Variants in TUSC3 observed in about 807,000 individuals in gnomAD.
The protein encoded by TUSC3 is tumor suppressor candidate 3, also known as dolichyl-diphosphooligosaccharide--protein glycosyltransferase subunit TUSC3.
In TUSC3, 45 loss-of-function variants were observed where a neutral mutation model predicts 44.8. That is an observed-to-expected ratio of 1.00 (90% CI 0.79 to 1.29). The LOEUF (loss-of-function observed/expected upper bound fraction) is 1.29. Ranked by LOEUF, TUSC3 falls within the 50% of genes most tolerant of loss-of-function variation. The pLI, the probability that TUSC3 is intolerant of heterozygous loss-of-function variation, is 0.00. For synonymous variants in TUSC3, 212 were observed against 152.9 expected (o/e 1.39, Z -2.85); for missense variants, 519 against 437.9 (o/e 1.19, Z -1.65).
At chr8:15,841,362 C>G in the TUSC3 span, among the ~76,000 whole-genome samples, 1 of 151,664 alleles carries the variant, frequency 6.6e-6, no homozygotes, top group Non-Finnish European at 1.5e-5. Context: ...TAGCTAAGGT[C>G]AAGTCCTCCT....
chr8:15,689,471 G>C (rs1230884002), intron 6 of TUSC3: 3 of 172,262 alleles, frequency 1.7e-5, no homozygotes, highest in Non-Finnish European at 2.5e-5. Flanking sequence ...CCGCAGCTGG[G>C]TCTTCTTCAC....
chr8:15,711,280 A>G (rs1585255569), intron 6 of TUSC3, among the ~76,000 whole-genome samples: 1 of 151,920 alleles, frequency 6.6e-6, no homozygotes, highest in South Asian at 2.1e-4. Context: ...CTTTTGTAGG[A>G]TTCCTAGAAT....
At position 15,457,125 on chromosome 8, in the gene TUSC3, C is replaced by G. The variant is rs1396515373; in HGVS notation, n.92-26261C>G. Among the ~76,000 whole-genome samples the G allele has an allele frequency of 5.2e-5, 7 of 134,394 alleles. No individual in the cohort carries two copies. In the East Asian group the frequency reaches 1.5e-3, roughly 29 times the overall value. 88.2% of individuals were successfully genotyped at this position (134,394 alleles called of 152,430 possible). ...AGGTGGGAATTGAACAATGAGAACA[C>G]ATGGACACAGGAAGGGGAAGATCAC... is the stretch of plus-strand genomic sequence containing the variant. On this transcript the variant is annotated intron_variant and non_coding_transcript_variant, in intron 1 of 5. Transcript: ENST00000503191.
intron 2 of TUSC3, among the ~76,000 whole-genome samples, chr8:15,494,050 C>A (rs1393920164): frequency 6.6e-6 from 1 of 152,182 alleles, no homozygotes; most frequent in Non-Finnish European, 1.5e-5. Flanking sequence ...TGCTTGAGAT[C>A]TTTGTTCAAA....
chr8:15,481,580 G>A (rs1001666525), intron 1 of TUSC3, among the ~76,000 whole-genome samples: 6 of 151,994 alleles, frequency 3.9e-5, no homozygotes, highest in Non-Finnish European at 8.8e-5. Flanking sequence ...CCAGACCACC[G>A]CAATAAAGCA....
intron 6 of TUSC3, among the ~76,000 whole-genome samples, chr8:15,715,964 C>A (rs997454102): frequency 6.6e-6 from 1 of 151,866 alleles, no homozygotes. Context: ...CTTACATATT[C>A]TAATGGAAGG....
chr8:15,538,430 C>T (rs1318189162), upstream of TUSC3, among the ~76,000 whole-genome samples: 1 of 152,052 alleles, frequency 6.6e-6, no homozygotes, highest in Non-Finnish European at 1.5e-5. Flanking sequence ...GCTTGCGATA[C>T]AGAAAAGTGA....
At chr8:15,687,786 T>C (rs1039420352) in intron 6 of TUSC3, among the ~76,000 whole-genome samples, 5 of 152,214 alleles carry the variant, frequency 3.3e-5, no homozygotes, top group African/African-American at 1.2e-4. Flanking sequence ...GATAAATAAA[T>C]CTTTCTTTGC....
At chr8:15,666,611 G>A (rs910189215) in intron 5 of TUSC3, among the ~76,000 whole-genome samples, 1 of 151,298 alleles carries the variant, frequency 6.6e-6, no homozygotes, top group Admixed American at 6.6e-5. Context: ...TCAAATGGGG[G>A]TAGAAAAGGG....
chr8:15,473,074 C>G (rs577736200), intron 1 of TUSC3, among the ~76,000 whole-genome samples: 1 of 152,252 alleles, frequency 6.6e-6, no homozygotes, highest in South Asian at 2.1e-4. Flanking sequence ...GAAAATATCT[C>G]AACTTGGGCC....
intron 3 of TUSC3, among the ~76,000 whole-genome samples, chr8:15,654,988 G>T (rs1315805879): frequency 6.6e-6 from 1 of 151,946 alleles, no homozygotes; most frequent in Non-Finnish European, 1.5e-5. Flanking sequence ...TGTAAGAGAG[G>T]GAAAATAATA....
At chr8:15,541,843 G>GT (rs924033754) in intron 1 of TUSC3, among the ~76,000 whole-genome samples, 7 of 150,390 alleles carry the variant, frequency 4.7e-5, no homozygotes, top group East Asian at 3.9e-4. Flanking sequence ...AAAGTAGACA[G>GT]TTTTTTTTGT....
intron 2 of TUSC3, among the ~76,000 whole-genome samples, chr8:15,492,765 C>T (rs562364830): frequency 9.1e-4 from 137 of 150,294 alleles, no homozygotes; most frequent in African/African-American, 3.2e-3. Context: ...AGTGAGATCC[C>T]GTTCTCCATA....
chr8:15,771,314 G>A (rs549655175), downstream of TUSC3, among the ~76,000 whole-genome samples: 19 of 152,152 alleles, frequency 1.2e-4, no homozygotes, highest in East Asian at 3.9e-4. Context: ...TTATAATCCC[G>A]TGGGCTTTTT....
At chr8:15,443,957 G>A (rs115932028) in intron 1 of TUSC3, among the ~76,000 whole-genome samples, 9,738 of 152,014 alleles carry the variant, frequency 0.064, 445 homozygotes, top group South Asian at 0.14. Context: ...TGGCTCACTG[G>A]CTTCCCCCAC....
chr8:15,663,095 A>G (rs1379394556), intron 5 of TUSC3, among the ~76,000 whole-genome samples: 1 of 151,886 alleles, frequency 6.6e-6, no homozygotes, highest in South Asian at 2.1e-4. Context: ...TTAGGATTTT[A>G]TACACAAAAC....
intron 6 of TUSC3, among the ~76,000 whole-genome samples, chr8:15,689,787 T>C (rs1326270281): frequency 6.6e-6 from 1 of 151,788 alleles, no homozygotes; most frequent in East Asian, 1.9e-4. Context: ...AAGCACATGA[T>C]CTCATTCTTT....
intron 1 of TUSC3, among the ~76,000 whole-genome samples, chr8:15,477,871 C>T (rs777480848): frequency 6.6e-6 from 1 of 152,000 alleles, no homozygotes; most frequent in Admixed American, 6.6e-5. Context: ...TTTCCTCTTT[C>T]TTGACTATTT....
At chr8:15,813,860 G>C in the TUSC3 span, among the ~76,000 whole-genome samples, 1 of 152,034 alleles carries the variant, frequency 6.6e-6, no homozygotes, top group Non-Finnish European at 1.5e-5. Flanking sequence ...GGATGAAGTG[G>C]TGAAGATCAC....
Sources: allele counts gnomAD v4.1 joint callset (sites outside exome capture counted in the v4.1 genomes callset), GRCh38; gene constraint gnomAD v4.1.1; transcripts MANE v1.5; gene names NCBI Gene and HGNC (gene_info 2026-07-23, HGNC 2026-07-21).